Variants in SEC11A observed in about 807,000 individuals in gnomAD.
SEC11A encodes signal peptidase complex catalytic subunit SEC11A.
SEC11A carries 14 observed loss-of-function variants against 25.6 expected under a neutral mutation model. The observed-to-expected ratio is 0.55, with a 90% CI of 0.36 to 0.85. The LOEUF (loss-of-function observed/expected upper bound fraction) is 0.85, where lower values mean the gene tolerates loss of function less well. Ranked by LOEUF, SEC11A falls within the 40% of genes least tolerant of loss-of-function variation. The pLI, the probability that SEC11A is intolerant of heterozygous loss-of-function variation, is 0.01. For missense variants in SEC11A, 153 were observed against 222.9 expected (o/e 0.69, Z 2.00); for synonymous variants, 83 against 76.4 (o/e 1.09, Z -0.45).
chr15:84,701,231 A>C (rs1440993218), intron 1 of SEC11A, among the ~76,000 whole-genome samples: 1 of 151,892 alleles, frequency 6.6e-6, no homozygotes, highest in Admixed American at 6.6e-5. Context: ...GCTACTCAGC[A>C]AGAGGCTGTA....
intron 1 of SEC11A, among the ~76,000 whole-genome samples, chr15:84,695,560 C>T (rs1031207767): frequency 2.6e-5 from 4 of 151,930 alleles, no homozygotes; most frequent in Admixed American, 6.6e-5. Context: ...GAACCCAGGA[C>T]GTAAAGGCTG....
At chr15:84,689,389 G>A (rs1314178063) in intron 2 of SEC11A, among the ~76,000 whole-genome samples, 1 of 152,032 alleles carries the variant, frequency 6.6e-6, no homozygotes, top group African/African-American at 2.4e-5. Context: ...AATATGTACA[G>A]CTTTTTGTAT....
At chr15:84,681,616 C>T (rs922687426) in intron 3 of SEC11A, among the ~76,000 whole-genome samples, 12 of 151,760 alleles carry the variant, frequency 7.9e-5, no homozygotes, top group African/African-American at 1.2e-4. Flanking sequence ...GGCGACAGAG[C>T]GAGACTCCAT....
At chr15:84,711,257 C>G (rs1898255748) in intron 1 of SEC11A, among the ~76,000 whole-genome samples, 1 of 151,710 alleles carries the variant, frequency 6.6e-6, no homozygotes, top group African/African-American at 2.4e-5. Flanking sequence ...TGTCACTGGC[C>G]CGTAGTCCCA....
chr15:84,690,205 T>C (rs1000135227), intron 2 of SEC11A, among the ~76,000 whole-genome samples: 12 of 152,120 alleles, frequency 7.9e-5, no homozygotes, highest in Non-Finnish European at 1.2e-4. Context: ...GTTTTTCCTG[T>C]GCTGTTCTAG....
intron 5 of SEC11A, 170 bp from the exon 6 acceptor site, chr15:84,670,239 C>T (rs1173901302): frequency 2.1e-6 from 1 of 466,550 alleles, no homozygotes; most frequent in Non-Finnish European, 3.7e-6. Flanking sequence ...CAAAATATCA[C>T]ATTTCTTTAA....
At chr15:84,691,105 G>A (rs1427429772) in intron 2 of SEC11A, among the ~76,000 whole-genome samples, 6 of 134,810 alleles carry the variant, frequency 4.5e-5, no homozygotes, top group South Asian at 2.3e-4. Flanking sequence ...ACAGGGTCTC[G>A]CTCTGTCACC....
chr15:84,689,182 T>TA (rs1006464195), intron 2 of SEC11A, among the ~76,000 whole-genome samples: 61 of 149,284 alleles, frequency 4.1e-4, no homozygotes, highest in Admixed American at 1.4e-3. Context: ...TCAGTCTCTG[T>TA]AAAAAAAAAA....
chr15:84,689,055 GAAAAGAAAA>G (rs1897519456), intron 2 of SEC11A, among the ~76,000 whole-genome samples: 1 of 149,294 alleles, frequency 6.7e-6, no homozygotes, highest in Non-Finnish European at 1.5e-5. Flanking sequence ...AGAAGAAGAA[GAAAAGAAAA>G]AAAAGAAAAG....
chr15:84,706,968 A>T (rs1470794820), intron 1 of SEC11A, among the ~76,000 whole-genome samples: 2 of 152,150 alleles, frequency 1.3e-5, no homozygotes, highest in South Asian at 2.1e-4. Context: ...GACTAGACAG[A>T]CAGTCAGTGG....
At chr15:84,682,224 A>G (rs1458147795) in intron 3 of SEC11A, among the ~76,000 whole-genome samples, 1 of 152,116 alleles carries the variant, frequency 6.6e-6, no homozygotes, top group Non-Finnish European at 1.5e-5. Context: ...TAAAAGCAAA[A>G]AAAAGGTATT....
chr15:84,699,265 A>C (rs1229495230), intron 1 of SEC11A, among the ~76,000 whole-genome samples: 2 of 148,242 alleles, frequency 1.3e-5, no homozygotes, highest in Non-Finnish European at 3.0e-5. Flanking sequence ...CAGTGAGCTG[A>C]GATCACACCA....
intron 1 of SEC11A, among the ~76,000 whole-genome samples, chr15:84,711,643 C>A (rs1898270402): frequency 6.6e-6 from 1 of 151,626 alleles, no homozygotes; most frequent in Non-Finnish European, 1.5e-5. Flanking sequence ...CATGGTGAAA[C>A]CCCCATCTCT....
intron 1 of SEC11A, among the ~76,000 whole-genome samples, chr15:84,706,377 A>G (rs1159674789): frequency 2.6e-5 from 4 of 152,266 alleles, no homozygotes; most frequent in Non-Finnish European, 5.9e-5. Context: ...TGACCATCAG[A>G]GAGAAATAGG....
chr15:84,675,690 T>G (rs1897115255), intron 4 of SEC11A, among the ~76,000 whole-genome samples: 1 of 152,222 alleles, frequency 6.6e-6, no homozygotes. Context: ...CCTCTGCCAA[T>G]CTTTCACCCT....
intron 1 of SEC11A, among the ~76,000 whole-genome samples, chr15:84,714,415 T>C (rs1898393058): frequency 1.3e-5 from 2 of 152,218 alleles, no homozygotes; most frequent in African/African-American, 4.8e-5. Context: ...GAGGGCTTTA[T>C]ATGAATTAAC....
chr15:84,678,873 A>C (rs1305913384), intron 4 of SEC11A, among the ~76,000 whole-genome samples: 2 of 151,996 alleles, frequency 1.3e-5, no homozygotes, highest in African/African-American at 4.8e-5. Context: ...ACACACCTGT[A>C]ATCCCAGCTA....
chr15:84,702,001 A>C (rs1897959372), intron 1 of SEC11A, among the ~76,000 whole-genome samples: 1 of 149,744 alleles, frequency 6.7e-6, no homozygotes, highest in African/African-American at 2.5e-5. Context: ...CGGGAGGCGG[A>C]GGTGGCAGTG....
chr15:84,700,241 T>C lies in SEC11A; in HGVS notation c.52-8597A>G, dbSNP rs190871774. ...CAAAGAGGCAAGAAAATATGACCTA[T>C]AATGAGAAAAATCAATAAACAGAAA... is the stretch of plus-strand genomic sequence containing the variant. On this transcript the variant is annotated intron_variant, in intron 1 of 5. Coordinates refer to ENST00000268220, the MANE Select transcript of SEC11A (RefSeq NM_014300.4). 1.7e-3 allele frequency among the ~76,000 whole-genome samples: 248 copies of C among 148,524 alleles called. 4 individuals are homozygous for C. Among genetic ancestry groups the C allele is most frequent in the African/African-American group, 5.7e-3 (234 of 40,764 alleles).
Sources: allele counts gnomAD v4.1 joint callset (sites outside exome capture counted in the v4.1 genomes callset), GRCh38; gene constraint gnomAD v4.1.1; transcripts MANE v1.5; gene names NCBI Gene and HGNC (gene_info 2026-07-23, HGNC 2026-07-21).